CHN2: variants seen among roughly 807,000 people sequenced by gnomAD.
CHN2 encodes beta-chimaerin.
A neutral mutation model predicts 56.3 loss-of-function variants in CHN2; 35 were observed. The ratio of observed to expected loss-of-function variants is 0.62; its 90% CI spans 0.47 to 0.82. CHN2 has a LOEUF of 0.82. Ranked by LOEUF, CHN2 falls within the 40% of genes least tolerant of loss-of-function variation. The pLI is 0.00. For synonymous variants in CHN2, 210 were observed against 212.8 expected (o/e 0.99, Z 0.12); for missense variants, 491 against 580.5 (o/e 0.85, Z 1.58).
chr7:29,396,452 C>G (rs1051430698), intron 4 of CHN2, among the ~76,000 whole-genome samples: 8 of 102,032 alleles, frequency 7.8e-5, no homozygotes, highest in African/African-American at 3.1e-4. Flanking sequence ...CAGAGTGAGA[C>G]TCTCTCCAAA....
At chr7:29,381,365 T>G (rs1406752600) in intron 3 of CHN2, among the ~76,000 whole-genome samples, 2 of 152,160 alleles carry the variant, frequency 1.3e-5, no homozygotes, top group Admixed American at 6.5e-5. Context: ...CAGAAAAGTA[T>G]GCCTAATTGG....
At chr7:29,349,433 G>A (rs1797710952) in intron 1 of CHN2, among the ~76,000 whole-genome samples, 2 of 152,202 alleles carry the variant, frequency 1.3e-5, no homozygotes, top group Admixed American at 6.5e-5. Context: ...CAGCTAGTAA[G>A]TGACAGAGCT....
chr7:29,377,707 T>C (rs2128053443), intron 3 of CHN2, among the ~76,000 whole-genome samples: 1 of 152,370 alleles, frequency 6.6e-6, no homozygotes, highest in Middle Eastern at 3.4e-3. Context: ...ATCTGGCTGA[T>C]GCTGACTGAG....
At position 29,269,997 on chromosome 7, in the gene CHN2, A is replaced by T. The variant is rs1233121693; in HGVS notation, c.49+75007A>T. Among the ~76,000 whole-genome samples the T allele has an allele frequency of 2.6e-5, 4 of 152,172 alleles. No homozygotes were observed. The East Asian group carries it at 7.7e-4, about 29-fold the overall frequency. ...ATGTAAGTGCTTTATCCACTGTGAA[A>T]CCAATTTAAGTAGAAGGCACAGATG... On this transcript the variant is annotated intron_variant, in intron 1 of 12. Transcript: ENST00000222792.
At position 29,514,050 on chromosome 7, in the gene CHN2, G is replaced by C. The variant is rs1237391357; in HGVS notation, c.*1315G>C. ...TGCTTTGGAGTGAGCAGAAGAGAAT[G>C]ACTATTTTACGTGGAGCATCATTGT... is the stretch of plus-strand genomic sequence containing the variant. On this transcript the variant is annotated 3_prime_UTR_variant, in exon 13 of 13. Coordinates refer to ENST00000222792, the MANE Select transcript of CHN2 (RefSeq NM_004067.4). 1 of 152,610 alleles carries C rather than the reference G, an allele frequency of 6.6e-6. No homozygotes were observed. Among genetic ancestry groups the C allele is most frequent in the African/African-American group, 2.4e-5 (1 of 41,448 alleles). The allele number at this position is 152,610 out of a possible 1,614,324, so 9.5% of individuals were successfully genotyped here. A position where few individuals can be genotyped will look rare whatever the true frequency, so the allele number is the denominator to read the frequency against.
chr7:29,302,862 G>C (rs772555560), intron 1 of CHN2, among the ~76,000 whole-genome samples: 1 of 152,120 alleles, frequency 6.6e-6, no homozygotes, highest in Non-Finnish European at 1.5e-5. Flanking sequence ...TGCTTTTCTT[G>C]CTTGGCTTAT....
chr7:29,354,207 T>C (rs1235051124), intron 1 of CHN2, among the ~76,000 whole-genome samples: 3 of 152,250 alleles, frequency 2.0e-5, no homozygotes, highest in African/African-American at 7.2e-5. Context: ...ACTACATACT[T>C]GCCGCTTTGC....
chr7:29,167,779 C>T (rs1796098095), intron 2 of CHN2, among the ~76,000 whole-genome samples: 1 of 152,200 alleles, frequency 6.6e-6, no homozygotes, highest in Non-Finnish European at 1.5e-5. Context: ...TGCTTCCAAG[C>T]ACATAGTAGA....
intron 3 of CHN2, among the ~76,000 whole-genome samples, chr7:29,381,433 G>A (rs1385026691): frequency 6.6e-6 from 1 of 152,174 alleles, no homozygotes; most frequent in Non-Finnish European, 1.5e-5. Context: ...TGGAGCCAAG[G>A]AATCACGGTG....
chr7:29,451,532 CAAT>C (rs750208191), intron 6 of CHN2, among the ~76,000 whole-genome samples: 4 of 147,036 alleles, frequency 2.7e-5, no homozygotes, highest in Non-Finnish European at 6.0e-5. Flanking sequence ...GTAAATTCAA[CAAT>C]GTTTTTAAAA....
chr7:29,181,507 A>C (rs894461228), intron 2 of CHN2: 1 of 152,258 alleles, frequency 6.6e-6, no homozygotes, highest in Non-Finnish European at 1.5e-5. Flanking sequence ...GAAACAACCT[A>C]AATTTCAATC....
At chr7:29,462,037 G>A (rs575489213) in intron 6 of CHN2, among the ~76,000 whole-genome samples, 14 of 152,140 alleles carry the variant, frequency 9.2e-5, no homozygotes, top group African/African-American at 2.9e-4. Context: ...ATTGTACTTG[G>A]AACAGTGTTT....
intron 1 of CHN2, among the ~76,000 whole-genome samples, chr7:29,258,228 G>A (rs562233454): frequency 6.6e-6 from 1 of 152,294 alleles, no homozygotes; most frequent in Admixed American, 6.5e-5. Context: ...TAGAGCAACA[G>A]GGATAAACCA....
At chr7:29,157,164 C>T (rs1197975902) in intron 2 of CHN2, among the ~76,000 whole-genome samples, 1 of 152,146 alleles carries the variant, frequency 6.6e-6, no homozygotes, top group Non-Finnish European at 1.5e-5. Flanking sequence ...TCTTTTCTCC[C>T]ACTTAACATC....
At chr7:29,466,578 A>G (rs2128141539) in intron 6 of CHN2, among the ~76,000 whole-genome samples, 1 of 152,342 alleles carries the variant, frequency 6.6e-6, no homozygotes, top group Middle Eastern at 3.4e-3. Flanking sequence ...AGGCCCTAAA[A>G]TGGCTCAGTT....
intron 1 of CHN2, among the ~76,000 whole-genome samples, chr7:29,319,863 A>G (rs184685519): frequency 1.3e-5 from 2 of 152,276 alleles, no homozygotes; most frequent in East Asian, 1.9e-4. Flanking sequence ...TTTCACAGTG[A>G]ACGAGCCAGT....
chr7:29,194,878 G>A lies in CHN2; in HGVS notation c.-64G>A, dbSNP rs1783443810. 2 of 1,362,332 alleles carry A rather than the reference G, an allele frequency of 1.5e-6. No homozygotes were observed. The highest frequency in any genetic ancestry group is 1.8e-5 in the South Asian group (1 of 55,596). 84.4% of individuals were successfully genotyped at this position (1,362,332 alleles called of 1,614,324 possible). On this transcript the variant is annotated 5_prime_UTR_variant, in exon 1 of 13. Coordinates refer to ENST00000222792, the MANE Select transcript of CHN2 (RefSeq NM_004067.4). ...CCGCGGAGGCTGCGAGCGGCCGGGC[G>A]AGGGCAGCGGCGGCGGCGTCCGCAC...
At chr7:29,392,851 C>T (rs1452416472) in intron 3 of CHN2, among the ~76,000 whole-genome samples, 1 of 152,184 alleles carries the variant, frequency 6.6e-6, no homozygotes, top group Non-Finnish European at 1.5e-5. Context: ...CATAAACTTG[C>T]TGTCATACAT....
At chr7:29,348,078 G>A (rs1056562506) in intron 1 of CHN2, among the ~76,000 whole-genome samples, 1 of 141,514 alleles carries the variant, frequency 7.1e-6, no homozygotes, top group Non-Finnish European at 1.6e-5. Flanking sequence ...CAGCAATGGT[G>A]TATTACTTTA....
Sources: allele counts gnomAD v4.1 joint callset (sites outside exome capture counted in the v4.1 genomes callset), GRCh38; gene constraint gnomAD v4.1.1; transcripts MANE v1.5; gene names NCBI Gene and HGNC (gene_info 2026-07-23, HGNC 2026-07-21).